The following KCNAB1 variants were observed in gnomAD, a reference collection of about 807,000 sequenced individuals.
KCNAB1 encodes the protein potassium voltage-gated channel subfamily A regulatory beta subunit 1.
In KCNAB1, 35 loss-of-function variants were observed where a neutral mutation model predicts 64.6. The observed-to-expected ratio is 0.54, with a 90% CI of 0.41 to 0.72. The LOEUF is 0.72. KCNAB1 is among the 30% of genes least tolerant of loss of function. KCNAB1 has a pLI of 0.00. For missense variants in KCNAB1, 401 were observed against 512.9 expected (o/e 0.78, Z 2.11); for synonymous variants, 177 against 183.8 (o/e 0.96, Z 0.30).
intron 1 of KCNAB1, among the ~76,000 whole-genome samples, chr3:156,399,541 G>A (rs1192264377): frequency 6.6e-6 from 1 of 152,122 alleles, no homozygotes; most frequent in African/African-American, 2.4e-5. Context: ...GGCATTGACA[G>A]GACATGGCAA....
chr3:156,529,542 A>C (rs1718551316), intron 12 of KCNAB1, among the ~76,000 whole-genome samples: 1 of 151,918 alleles, frequency 6.6e-6, no homozygotes, highest in Admixed American at 6.6e-5. Flanking sequence ...CATAAGCATT[A>C]CCTAGGAGTG....
chr3:156,173,265 A>G (rs958402406), intron 1 of KCNAB1, among the ~76,000 whole-genome samples: 4 of 152,178 alleles, frequency 2.6e-5, no homozygotes, highest in African/African-American at 9.7e-5. Context: ...CTCTCAGGGC[A>G]ACAGAACCAT....
intron 1 of KCNAB1, among the ~76,000 whole-genome samples, chr3:156,139,908 A>G (rs1172950832): frequency 6.6e-6 from 1 of 152,156 alleles, no homozygotes; most frequent in African/African-American, 2.4e-5. Flanking sequence ...GATGTATCTC[A>G]TACTCTGGAA....
intron 2 of KCNAB1, among the ~76,000 whole-genome samples, chr3:156,425,650 C>T (rs750237861): frequency 5.9e-5 from 9 of 152,206 alleles, no homozygotes; most frequent in Non-Finnish European, 1.0e-4. Context: ...TTAATTCACT[C>T]ATTCATTTAT....
chr3:156,191,063 C>G (rs747654144), intron 1 of KCNAB1, among the ~76,000 whole-genome samples: 5 of 152,204 alleles, frequency 3.3e-5, no homozygotes, highest in Non-Finnish European at 5.9e-5. Context: ...AGCAGAGGCT[C>G]ATAATTTGAG....
intron 1 of KCNAB1, among the ~76,000 whole-genome samples, chr3:156,327,433 C>T (rs1041608852): frequency 6.6e-6 from 1 of 152,066 alleles, no homozygotes; most frequent in African/African-American, 2.4e-5. Context: ...CTAATATTAG[C>T]ATCATACTTT....
chr3:156,485,326 A>G (rs989766562), intron 8 of KCNAB1, among the ~76,000 whole-genome samples: 4 of 152,138 alleles, frequency 2.6e-5, no homozygotes, highest in Non-Finnish European at 4.4e-5. Context: ...CTCTTCACCT[A>G]CATTTACCAA....
intron 1 of KCNAB1, among the ~76,000 whole-genome samples, chr3:156,375,389 A>G (rs1302981484): frequency 7.4e-6 from 1 of 135,170 alleles, no homozygotes; most frequent in Non-Finnish European, 1.5e-5. Context: ...TAGGTAAGGA[A>G]ATTGATGCTC....
chr3:156,418,448 T>C (rs1396016635), intron 1 of KCNAB1, among the ~76,000 whole-genome samples: 1 of 152,226 alleles, frequency 6.6e-6, no homozygotes, highest in Non-Finnish European at 1.5e-5. Context: ...GTGTCAAGTA[T>C]TTGGGCTTCT....
chr3:156,501,751 T>C, intron 8 of KCNAB1, among the ~76,000 whole-genome samples: 1 of 152,086 alleles, frequency 6.6e-6, no homozygotes, highest in Non-Finnish European at 1.5e-5. Context: ...ACCTTAAAGA[T>C]GCTGTATTAG....
chr3:156,232,717 G>T (rs1186348929), intron 1 of KCNAB1, among the ~76,000 whole-genome samples: 6 of 152,144 alleles, frequency 3.9e-5, no homozygotes, highest in Admixed American at 3.9e-4. Context: ...ATTTTAATCT[G>T]GGACTATGAT....
intron 4 of KCNAB1, among the ~76,000 whole-genome samples, chr3:156,459,363 C>T (rs553685039): frequency 6.6e-6 from 1 of 152,268 alleles, no homozygotes; most frequent in South Asian, 2.1e-4. Flanking sequence ...CTATGTGGGA[C>T]ATCTAAACCC....
chr3:156,523,693 C>T, intron 11 of KCNAB1, 134 bp from the exon 12 acceptor site: 1 of 757,802 alleles, frequency 1.3e-6, no homozygotes, highest in Non-Finnish European at 2.2e-6. Context: ...ATGAAATCAT[C>T]CCTGTCAGTG....
chr3:156,442,450 G>T (rs918549006), intron 2 of KCNAB1, among the ~76,000 whole-genome samples: 1 of 152,126 alleles, frequency 6.6e-6, no homozygotes, highest in African/African-American at 2.4e-5. Flanking sequence ...AGACAGATTT[G>T]CCCTGAAACA....
chr3:156,182,466 C>T (rs1397408273), intron 1 of KCNAB1, among the ~76,000 whole-genome samples: 1 of 152,154 alleles, frequency 6.6e-6, no homozygotes, highest in Admixed American at 6.5e-5. Flanking sequence ...AGTCCCTCAG[C>T]CATTTCTACC....
intron 8 of KCNAB1, among the ~76,000 whole-genome samples, chr3:156,513,462 C>A (rs1294236033): frequency 6.6e-6 from 1 of 152,198 alleles, no homozygotes; most frequent in Non-Finnish European, 1.5e-5. Flanking sequence ...AGGCCTGTGA[C>A]CCTTTGAAAC....
chr3:156,203,279 C>T (rs997558553), intron 1 of KCNAB1, among the ~76,000 whole-genome samples: 6 of 152,304 alleles, frequency 3.9e-5, no homozygotes, highest in Non-Finnish European at 8.8e-5. Flanking sequence ...AATATTTATT[C>T]TCTGGTCCTA....
At chr3:156,486,694 C>T (rs1715242659) in intron 8 of KCNAB1, among the ~76,000 whole-genome samples, 1 of 150,894 alleles carries the variant, frequency 6.6e-6, no homozygotes, top group African/African-American at 2.5e-5. Flanking sequence ...CCTTCAGGGC[C>T]TCCTGGAGGA....
rs1715526281 is a variant in KCNAB1, at chr3:156,422,479, A to G, written c.319+820A>G. On this transcript the variant is annotated intron_variant, in intron 2 of 13. Coordinates refer to ENST00000490337, the MANE Select transcript of KCNAB1 (RefSeq NM_172160.3). ...TGTTGGGTTCTATGTGGAAGATGAC[A>G]GAAAAAAGTCAAGGATGACTCTAAG... Among the ~76,000 whole-genome samples, 3 of 152,262 alleles carry G rather than the reference A, an allele frequency of 2.0e-5. No individual in the cohort carries two copies. In the South Asian group the frequency reaches 6.2e-4, roughly 32 times the overall value.
Sources: allele counts gnomAD v4.1 joint callset (sites outside exome capture counted in the v4.1 genomes callset), GRCh38; gene constraint gnomAD v4.1.1; transcripts MANE v1.5; gene names NCBI Gene and HGNC (gene_info 2026-07-23, HGNC 2026-07-21).